The following ACACB variants were observed in gnomAD, a reference collection of about 807,000 sequenced individuals.
ACACB encodes the protein acetyl-CoA carboxylase beta.
Under a neutral mutation model 278.8 loss-of-function variants are expected in ACACB, and 209 were observed. The observed-to-expected ratio is 0.75, with a 90% CI of 0.67 to 0.84. The LOEUF (loss-of-function observed/expected upper bound fraction) is 0.84. Ranked by LOEUF, ACACB falls within the 40% of genes least tolerant of loss-of-function variation. The probability of loss-of-function intolerance (pLI) is 0.00; values close to 1 mark genes in which losing one functional copy is unlikely to be tolerated. For missense variants in ACACB, 2,850 were observed against 3,269.0 expected (o/e 0.87, Z 3.13); for synonymous variants, 1,174 against 1,285.6 (o/e 0.91, Z 1.86).
chr12:109,265,024 G>T, intron 50 of ACACB, 86 bp from the exon 51 acceptor site: 1 of 1,442,616 alleles, frequency 6.9e-7, no homozygotes, highest in Non-Finnish European at 9.4e-7. Context: ...GCCCAGCCCC[G>T]GGCAGCCACT....
At chr12:109,166,253 T>A (rs1318039260) in intron 2 of ACACB, among the ~76,000 whole-genome samples, 2 of 152,154 alleles carry the variant, frequency 1.3e-5, no homozygotes, top group African/African-American at 4.8e-5. Flanking sequence ...TGTTATAAGT[T>A]TTTTAGTATT....
intron 39 of ACACB, 34 bp from the exon 40 acceptor site, chr12:109,247,572 C>T: frequency 2.0e-6 from 3 of 1,521,540 alleles, no homozygotes; most frequent in Non-Finnish European, 2.7e-6. Flanking sequence ...GTGCAGGGAA[C>T]TGGATTCGTA....
intron 2 of ACACB, among the ~76,000 whole-genome samples, chr12:109,159,995 C>T (rs997978813): frequency 1.3e-5 from 2 of 150,936 alleles, no homozygotes; most frequent in African/African-American, 4.9e-5. Context: ...GAGGCTGAGA[C>T]AGGAGAATCG....
intron 42 of ACACB, chr12:109,252,459 C>T (rs915103724): frequency 1.6e-5 from 4 of 243,044 alleles, no homozygotes; most frequent in Non-Finnish European, 2.4e-5. Context: ...AATTTTGCAG[C>T]TTCTATCATT....
intron 1 of ACACB, among the ~76,000 whole-genome samples, chr12:109,136,125 T>G (rs2042961865): frequency 6.6e-6 from 1 of 152,184 alleles, no homozygotes; most frequent in South Asian, 2.1e-4. Context: ...GAGATCATTC[T>G]TTCTCCATTG....
chr12:109,140,340 TTCCTTCC>T (rs756205745), intron 2 of ACACB, among the ~76,000 whole-genome samples: 2,319 of 98,472 alleles, frequency 0.024, 186 homozygotes, highest in East Asian at 0.064. Flanking sequence ...CCTTCCTTCC[TTCCTTCC>T]TTCCCTCCTT....
intron 13 of ACACB, among the ~76,000 whole-genome samples, chr12:109,190,106 C>T (rs1264048661): frequency 2.0e-5 from 3 of 151,562 alleles, no homozygotes; most frequent in East Asian, 1.9e-4. Context: ...AGTGAAGCTC[C>T]GTCTCAAAAA....
At chr12:109,208,314 C>G (rs1221719910) in intron 20 of ACACB, among the ~76,000 whole-genome samples, 1 of 151,386 alleles carries the variant, frequency 6.6e-6, no homozygotes, top group Non-Finnish European at 1.5e-5. Context: ...CCTCTGGGTT[C>G]AAGCAATCAT....
chr12:109,199,372 T>G lies in ACACB; in HGVS notation c.2628-30T>G, dbSNP rs2045252743. 1.1e-5 allele frequency: 15 copies of G among 1,425,586 alleles called. No individual in the cohort carries two copies. In the East Asian group the frequency reaches 4.0e-4, roughly 38 times the overall value. 88.3% of individuals were successfully genotyped at this position (1,425,586 alleles called of 1,614,324 possible). A position where few individuals can be genotyped will look rare whatever the true frequency, so the allele number is the denominator to read the frequency against. On this transcript the variant is annotated intron_variant, in intron 17 of 52. Transcript: ENST00000338432. ...TTGCTGAGTTGGTAGTCCTCATCAGTCTCCCTACCCGACTCCTCCTCTCTC... is the reference window on the plus strand; with the variant it reads ...TTGCTGAGTTGGTAGTCCTCATCAGGCTCCCTACCCGACTCCTCCTCTCTC...
chr12:109,231,085 TGTGTA>T, intron 28 of ACACB, among the ~76,000 whole-genome samples: 1 of 152,010 alleles, frequency 6.6e-6, no homozygotes, highest in African/African-American at 2.4e-5. Context: ...AACACTTGTG[TGTGTA>T]GAGCCAGGCA....
chr12:109,186,906 A>G (rs750783665), intron 12 of ACACB, among the ~76,000 whole-genome samples: 1 of 152,098 alleles, frequency 6.6e-6, no homozygotes, highest in African/African-American at 2.4e-5. Flanking sequence ...ACCTCTCCCC[A>G]AATCCTTCAT....
intron 19 of ACACB, among the ~76,000 whole-genome samples, chr12:109,203,288 T>C (rs2045390889): frequency 6.6e-6 from 1 of 152,268 alleles, no homozygotes; most frequent in Non-Finnish European, 1.5e-5. Flanking sequence ...TGTTTCTACC[T>C]GTTGGCTACT....
chr12:109,249,987 C>T lies in ACACB; in HGVS notation c.5673C>T (p.Tyr1891=), dbSNP rs779113966. 1.2e-6 allele frequency: 2 copies of T among 1,611,564 alleles called. No homozygotes were observed. Among genetic ancestry groups the T allele is most frequent in the South Asian group, 1.1e-5 (1 of 90,444 alleles). The change falls in exon 41 of 53, where the codon TAC becomes TAT. Residue 1891 remains tyrosine, a synonymous_variant. Coordinates refer to ENST00000338432, the MANE Select transcript of ACACB (RefSeq NM_001093.4). ...KHIEEGGESR[Y]MITDIIGKDD... is the part of the protein sequence containing the mutation. ...TAACCTGTGCTTGCTTTTGAAGATA[C>T]ATGATCACGGATATCATCGGGAAGG...
At chr12:109,160,159 G>A (rs569003599) in intron 2 of ACACB, among the ~76,000 whole-genome samples, 4 of 151,048 alleles carry the variant, frequency 2.6e-5, no homozygotes, top group African/African-American at 9.7e-5. Flanking sequence ...TCTTATTTGA[G>A]AGGAATATAA....
intron 3 of ACACB, among the ~76,000 whole-genome samples, chr12:109,167,654 T>TATATATATATATATATATATC (rs71079531): frequency 7.2e-6 from 1 of 138,748 alleles, no homozygotes; most frequent in Non-Finnish European, 1.5e-5. Context: ...TATATATATA[T>TATATATATATATATATATATC]TTCAGACAAA....
chr12:109,197,256 G>C, intron 17 of ACACB, 103 bp downstream of exon 17: 1 of 1,431,668 alleles, frequency 7.0e-7, no homozygotes, highest in South Asian at 1.4e-5. Context: ...AAGGGTCTTA[G>C]AGAAGGTGCC....
intron 39 of ACACB, 140 bp from the exon 40 acceptor site, chr12:109,247,466 T>G: frequency 9.1e-6 from 6 of 658,086 alleles, no homozygotes; most frequent in Non-Finnish European, 1.1e-5. Flanking sequence ...GGTATTTACA[T>G]GAGATGTGTT....
At position 109,210,375 on chromosome 12, in the gene ACACB, GCA is replaced by G. The variant is rs1336219706; in HGVS notation, c.3249+1029_3249+1030del. Among the ~76,000 whole-genome samples, 4 of 102,380 alleles carry G rather than the reference GCA, an allele frequency of 3.9e-5. 1 individual carries two copies. Among genetic ancestry groups the G allele is most frequent in the South Asian group, 3.2e-4 (1 of 3,140 alleles). The allele number at this position is 102,380 out of a possible 152,430, so 67.2% of individuals were successfully genotyped here. On this transcript the variant is annotated intron_variant, in intron 21 of 52. Transcript: ENST00000338432. ...TATCTGTGTATATATGTATATACACGCACACACATGTGTATATATGTATATAC... is the reference window on the plus strand; with the variant it reads ...TATCTGTGTATATATGTATATACACGCACACATGTGTATATATGTATATAC...
At chr12:109,227,532 C>T in intron 28 of ACACB, 43 bp downstream of exon 28, 1 of 1,574,006 alleles carries the variant, frequency 6.4e-7, no homozygotes, top group South Asian at 1.1e-5. Flanking sequence ...TGTTTCTGTT[C>T]TTCCTGACCT....
Sources: allele counts gnomAD v4.1 joint callset (sites outside exome capture counted in the v4.1 genomes callset), GRCh38; gene constraint gnomAD v4.1.1; transcripts MANE v1.5; gene names NCBI Gene and HGNC (gene_info 2026-07-23, HGNC 2026-07-21).